Variants in FTCDNL1 observed in about 807,000 individuals in gnomAD.
The protein encoded by FTCDNL1 is formiminotransferase cyclodeaminase N-terminal like, also known as formiminotransferase N-terminal subdomain-containing protein.
In FTCDNL1, 11 loss-of-function variants were observed where a neutral mutation model predicts 5.9. That is an observed-to-expected ratio of 1.87 (90% CI 1.18 to 3.10). FTCDNL1 has a LOEUF of 3.10. Ranked by LOEUF, FTCDNL1 falls within the 30% of genes most tolerant of loss-of-function variation. The pLI is 0.00. For synonymous variants in FTCDNL1, 58 were observed against 24.8 expected, an observed-to-expected ratio of 2.34 and a Z score of -3.99; for missense variants, 115 against 65.5, an observed-to-expected ratio of 1.76 and a Z score of -2.61.
chr2:199,732,030 T>C, the FTCDNL1 span, among the ~76,000 whole-genome samples: 4 of 152,336 alleles, frequency 2.6e-5, no homozygotes, highest in African/African-American at 7.2e-5. Context: ...ACAATTATCC[T>C]AGGTCTAATA....
chr2:199,729,706 T>G, the FTCDNL1 span, among the ~76,000 whole-genome samples: 3 of 152,054 alleles, frequency 2.0e-5, no homozygotes, highest in African/African-American at 7.2e-5. Context: ...TATTATAGGA[T>G]GCAAACAAAT....
chr2:199,769,805 A>C (rs865816051), intron 3 of FTCDNL1, among the ~76,000 whole-genome samples: 7 of 152,104 alleles, frequency 4.6e-5, no homozygotes, highest in East Asian at 1.9e-4. Context: ...GGTTTTCCTC[A>C]GCCCTGGCAA....
the FTCDNL1 span, among the ~76,000 whole-genome samples, chr2:199,664,043 T>TA: frequency 3.5e-3 from 491 of 138,468 alleles, 3 homozygotes; most frequent in African/African-American, 0.011. Context: ...GTTTTCTGTT[T>TA]AAAAAAAAAA....
intron 3 of FTCDNL1, among the ~76,000 whole-genome samples, chr2:199,825,415 T>G (rs1252348511): frequency 1.3e-5 from 2 of 152,130 alleles, no homozygotes; most frequent in African/African-American, 4.8e-5. Context: ...AACTGAAGTT[T>G]AGGAATTGCA....
the FTCDNL1 span, among the ~76,000 whole-genome samples, chr2:199,746,020 T>G: frequency 1.3e-5 from 2 of 152,356 alleles, no homozygotes; most frequent in African/African-American, 4.8e-5. Flanking sequence ...AGATTTTACG[T>G]GACATTAAAA....
At chr2:199,775,345 C>A (rs1699006696) in intron 3 of FTCDNL1, among the ~76,000 whole-genome samples, 1 of 152,218 alleles carries the variant, frequency 6.6e-6, no homozygotes, top group African/African-American at 2.4e-5. Flanking sequence ...CCACAGACTT[C>A]TTGAGATGTC....
chr2:199,775,177 A>G (rs1559176238), intron 3 of FTCDNL1, among the ~76,000 whole-genome samples: 1 of 152,134 alleles, frequency 6.6e-6, no homozygotes, highest in South Asian at 2.1e-4. Context: ...CCTGACACCA[A>G]ATGCTTTGGT....
the FTCDNL1 span, among the ~76,000 whole-genome samples, chr2:199,705,604 T>C: frequency 6.6e-6 from 1 of 152,204 alleles, no homozygotes; most frequent in Admixed American, 6.5e-5. Context: ...CTTGCCTTAC[T>C]GCTCTCACTA....
chr2:199,828,737 G>A (rs1702182611), intron 3 of FTCDNL1, among the ~76,000 whole-genome samples: 1 of 152,116 alleles, frequency 6.6e-6, no homozygotes, highest in African/African-American at 2.4e-5. Context: ...ATCCCAGAAG[G>A]CAGTGCCTTC....
the FTCDNL1 span, among the ~76,000 whole-genome samples, chr2:199,681,489 A>T: frequency 6.6e-6 from 1 of 152,200 alleles, no homozygotes; most frequent in African/African-American, 2.4e-5. Flanking sequence ...TTCTGTCTGA[A>T]TGTTTGCAGG....
chr2:199,847,517 A>G (rs2076763333), intron 2 of FTCDNL1, among the ~76,000 whole-genome samples: 1 of 152,198 alleles, frequency 6.6e-6, no homozygotes, highest in Non-Finnish European at 1.5e-5. Flanking sequence ...AAAGAATAAA[A>G]CACTCTCCTG....
chr2:199,759,684 A>G (rs144396238), downstream of FTCDNL1, among the ~76,000 whole-genome samples: 1,038 of 152,354 alleles, frequency 6.8e-3, 11 homozygotes, highest in African/African-American at 0.023. Flanking sequence ...ACATGTCATC[A>G]TAGGACAAAT....
chr2:199,790,215 C>T (rs755135235), intron 3 of FTCDNL1, among the ~76,000 whole-genome samples: 13 of 151,844 alleles, frequency 8.6e-5, no homozygotes, highest in Middle Eastern at 3.4e-3. Context: ...AAAAAAAATG[C>T]GGCTGGGCGC....
At chr2:199,682,222 T>C in the FTCDNL1 span, among the ~76,000 whole-genome samples, 1 of 152,166 alleles carries the variant, frequency 6.6e-6, no homozygotes, top group Non-Finnish European at 1.5e-5. Flanking sequence ...GAAGGGCTGA[T>C]AGAACAGCAG....
chr2:199,787,298 T>C (rs1376640629), intron 3 of FTCDNL1, among the ~76,000 whole-genome samples: 1 of 152,072 alleles, frequency 6.6e-6, no homozygotes, highest in East Asian at 1.9e-4. Context: ...TTCTCCTGAC[T>C]CAGCTTCCTG....
At chr2:199,716,258 G>A in the FTCDNL1 span, among the ~76,000 whole-genome samples, 1 of 152,070 alleles carries the variant, frequency 6.6e-6, no homozygotes, top group East Asian at 1.9e-4. Context: ...TCTAGAAACT[G>A]CTTCAGGCCA....
chr2:199,825,202 T>C (rs1419082093), intron 3 of FTCDNL1, among the ~76,000 whole-genome samples: 1 of 150,864 alleles, frequency 6.6e-6, no homozygotes, highest in Non-Finnish European at 1.5e-5. Flanking sequence ...GTTTGAAATA[T>C]TGTGAAAATT....
At chr2:199,692,933 C>T in the FTCDNL1 span, among the ~76,000 whole-genome samples, 1 of 152,324 alleles carries the variant, frequency 6.6e-6, no homozygotes, top group Non-Finnish European at 1.5e-5. Context: ...AAGAAAATGG[C>T]TGTGTTTTCC....
At chr2:199,827,296 C>G (rs1702093732) in intron 3 of FTCDNL1, among the ~76,000 whole-genome samples, 1 of 152,126 alleles carries the variant, frequency 6.6e-6, no homozygotes, top group Non-Finnish European at 1.5e-5. Context: ...CCAGATTCTG[C>G]TACAAGTAAA....
Sources: gnomAD v4.1 joint callset for allele counts (sites outside exome capture counted in the v4.1 genomes callset) on GRCh38, gnomAD v4.1.1 for gene constraint, MANE v1.5 for transcripts, NCBI Gene and HGNC (gene_info 2026-07-23, HGNC 2026-07-21) for gene names.